KALRN: variants seen among roughly 807,000 people sequenced by gnomAD.
KALRN encodes kalirin.
A neutral mutation model predicts 353.7 loss-of-function variants in KALRN; 70 were observed. The ratio of observed to expected loss-of-function variants is 0.20; its 90% CI spans 0.16 to 0.24. KALRN has a LOEUF of 0.24. Ranked by LOEUF, KALRN falls within the 10% of genes least tolerant of loss-of-function variation. The pLI, the probability that KALRN is intolerant of heterozygous loss-of-function variation, is 1.00. For missense variants in KALRN, 2,791 were observed against 3,756.7 expected, an observed-to-expected ratio of 0.74 and a Z score of 6.72; for synonymous variants, 1,391 against 1,434.8, an observed-to-expected ratio of 0.97 and a Z score of 0.69.
intron 34 of KALRN, chr3:124,584,962 G>A (rs1266553857): frequency 6.4e-7 from 1 of 1,550,772 alleles, no homozygotes; most frequent in Non-Finnish European, 8.7e-7. Flanking sequence ...GTCGCGCTCA[G>A]CGCGAGGGAG....
intron 1 of KALRN, among the ~76,000 whole-genome samples, chr3:124,177,890 A>G (rs768715866): frequency 9.2e-5 from 14 of 152,164 alleles, no homozygotes; most frequent in Non-Finnish European, 1.5e-4. Context: ...AATCTAATCC[A>G]TGGATCTCTG....
At chr3:124,590,625 T>C (rs1451673779) in intron 34 of KALRN, among the ~76,000 whole-genome samples, 1 of 152,132 alleles carries the variant, frequency 6.6e-6, no homozygotes, top group East Asian at 1.9e-4. Flanking sequence ...CCCATCTTTT[T>C]GCACTTGATC....
intron 3 of KALRN, among the ~76,000 whole-genome samples, chr3:124,261,207 C>T (rs2072821532): frequency 6.6e-6 from 1 of 152,048 alleles, no homozygotes; most frequent in African/African-American, 2.4e-5. Flanking sequence ...AGTCAACAGT[C>T]CTGGTTTTGA....
intron 10 of KALRN, among the ~76,000 whole-genome samples, chr3:124,361,005 T>A (rs1444429503): frequency 2.0e-5 from 3 of 152,222 alleles, no homozygotes; most frequent in African/African-American, 7.2e-5. Flanking sequence ...ATAATAACTA[T>A]CATTTATTGA....
chr3:124,618,057 G>A (rs370924970), intron 34 of KALRN, among the ~76,000 whole-genome samples: 2 of 146,736 alleles, frequency 1.4e-5, no homozygotes, highest in African/African-American at 5.0e-5. Context: ...GTGCCAGTGG[G>A]AATGGAAAGA....
intron 1 of KALRN, among the ~76,000 whole-genome samples, chr3:124,099,209 C>G (rs1361999323): frequency 2.0e-5 from 3 of 152,118 alleles, no homozygotes; most frequent in Non-Finnish European, 4.4e-5. Flanking sequence ...AGAACTTACT[C>G]TTTCTGTCTA....
chr3:124,287,752 A>G (rs2076041601), intron 5 of KALRN, among the ~76,000 whole-genome samples: 1 of 105,846 alleles, frequency 9.4e-6, no homozygotes. Context: ...TCAGAAAATC[A>G]ATGGTAGGGC....
At chr3:124,211,371 A>G (rs1217891463) in intron 1 of KALRN, among the ~76,000 whole-genome samples, 2 of 152,268 alleles carry the variant, frequency 1.3e-5, no homozygotes, top group African/African-American at 4.8e-5. Context: ...CTTTATTGCT[A>G]TAAGAAAAAT....
At chr3:124,125,795 AGTAAAGAGGT>A (rs2064584854) in intron 1 of KALRN, among the ~76,000 whole-genome samples, 1 of 152,124 alleles carries the variant, frequency 6.6e-6, no homozygotes, top group South Asian at 2.1e-4. Flanking sequence ...ACTTAGGAGG[AGTAAAGAGGT>A]GTTGTTAAGA....
intron 12 of KALRN, 99 bp downstream of exon 12, chr3:124,395,442 T>G (rs775251813): frequency 1.1e-6 from 1 of 924,004 alleles, no homozygotes; most frequent in East Asian, 2.7e-5. Flanking sequence ...CTTTGTGGTC[T>G]TGTGTGAGCT....
chr3:124,044,728 A>G (rs1051107141), intron 1 of KALRN, among the ~76,000 whole-genome samples: 1 of 152,114 alleles, frequency 6.6e-6, no homozygotes, highest in African/African-American at 2.4e-5. Context: ...ATTATATATT[A>G]CTAGTATGAC....
At chr3:124,377,197 C>A (rs755517236) in intron 10 of KALRN, among the ~76,000 whole-genome samples, 1 of 152,104 alleles carries the variant, frequency 6.6e-6, no homozygotes, top group African/African-American at 2.4e-5. Context: ...ATTAATAATA[C>A]CTATCTTATG....
At chr3:124,288,129 C>T (rs2076117461) in intron 5 of KALRN, among the ~76,000 whole-genome samples, 1 of 152,054 alleles carries the variant, frequency 6.6e-6, no homozygotes, top group Non-Finnish European at 1.5e-5. Flanking sequence ...CCTGCCTTGG[C>T]CTCCCAAAGT....
At chr3:124,586,155 G>A (rs757867166) in intron 34 of KALRN, among the ~76,000 whole-genome samples, 5 of 152,166 alleles carry the variant, frequency 3.3e-5, no homozygotes, top group Non-Finnish European at 5.9e-5. Context: ...AGATGAAGAA[G>A]GAATGTGAGG....
intron 33 of KALRN, among the ~76,000 whole-genome samples, chr3:124,538,489 G>A (rs1046202093): frequency 1.3e-5 from 2 of 152,142 alleles, no homozygotes; most frequent in Non-Finnish European, 2.9e-5. Flanking sequence ...TGAGTATTCT[G>A]GGTCAAAATG....
chr3:124,238,257 C>T (rs1213302541), intron 3 of KALRN, among the ~76,000 whole-genome samples: 1 of 152,124 alleles, frequency 6.6e-6, no homozygotes, highest in Admixed American at 6.5e-5. Flanking sequence ...ACAAAAAACG[C>T]AATTCCTGAC....
At chr3:124,672,110 G>C (rs957653187) in intron 48 of KALRN, among the ~76,000 whole-genome samples, 1 of 152,128 alleles carries the variant, frequency 6.6e-6, no homozygotes, top group Non-Finnish European at 1.5e-5. Context: ...ACCATACCCA[G>C]CTAATTTTTG....
At chr3:124,066,665 T>A (rs1351302269) in intron 1 of KALRN, among the ~76,000 whole-genome samples, 2 of 152,194 alleles carry the variant, frequency 1.3e-5, no homozygotes. Flanking sequence ...TCCTTGCTTC[T>A]TCTTATCTCC....
chr3:124,228,869 C>G (rs1280993027), intron 2 of KALRN, among the ~76,000 whole-genome samples: 2 of 151,068 alleles, frequency 1.3e-5, no homozygotes, highest in African/African-American at 4.8e-5. Flanking sequence ...CCTCTCCCAG[C>G]TTCCAATGGC....
Sources: gnomAD v4.1 joint callset for allele counts (sites outside exome capture counted in the v4.1 genomes callset) on GRCh38, gnomAD v4.1.1 for gene constraint, MANE v1.5 for transcripts, NCBI Gene and HGNC (gene_info 2026-07-23, HGNC 2026-07-21) for gene names.